MCPH1: variants seen among roughly 807,000 people sequenced by gnomAD.
The protein encoded by MCPH1 is microcephalin 1, also known as microcephalin.
MCPH1 carries 104 observed loss-of-function variants against 84.5 expected under a neutral mutation model. That is an observed-to-expected ratio of 1.23 (90% CI 1.05 to 1.45). The LOEUF is 1.45. Ranked by LOEUF, MCPH1 falls within the 40% of genes most tolerant of loss-of-function variation. The pLI, the probability that MCPH1 is intolerant of heterozygous loss-of-function variation, is 0.00. For synonymous variants in MCPH1, 514 were observed against 366.8 expected (o/e 1.40, Z -4.58); for missense variants, 1,498 against 1,005.7 (o/e 1.49, Z -6.62).
chr8:6,485,846 G>A (rs1045112707), intron 11 of MCPH1, among the ~76,000 whole-genome samples: 7 of 151,972 alleles, frequency 4.6e-5, no homozygotes, highest in Admixed American at 1.3e-4. Context: ...CAAGGTAAAC[G>A]CAATGGTAAC....
intron 12 of MCPH1, among the ~76,000 whole-genome samples, chr8:6,524,386 C>T (rs1168653715): frequency 1.3e-5 from 2 of 152,174 alleles, no homozygotes; most frequent in Non-Finnish European, 1.5e-5. Flanking sequence ...ATATGAAGAG[C>T]AGAGAAACAT....
At chr8:6,501,057 C>G (rs972809611) in intron 12 of MCPH1, 1 of 152,138 alleles carries the variant, frequency 6.6e-6, no homozygotes, top group Admixed American at 6.5e-5. Flanking sequence ...GGCCATGATA[C>G]CGTTGTTGAA....
rs984352080 is a variant in MCPH1, at chr8:6,455,237, T to C, written c.1920T>C (p.Ser640=). The change falls in exon 9 of 14, where the codon AGT becomes AGC. Residue 640 remains serine, a synonymous_variant. Coordinates refer to ENST00000344683, the MANE Select transcript of MCPH1 (RefSeq NM_024596.5). ...LIKPHEELKK[S]GRGKKPTRTL... ...AACCTCATGAGGAATTGAAGAAAAG[T>C]GGGAGAGGCAAAAAGGTCAGTGTGT... 6.2e-7 allele frequency: 1 copy of C among 1,612,678 alleles called. No homozygotes were observed. Among genetic ancestry groups the C allele is most frequent in the African/African-American group, 1.3e-5 (1 of 74,894 alleles).
intron 12 of MCPH1, among the ~76,000 whole-genome samples, chr8:6,533,412 C>T (rs1458899848): frequency 6.6e-6 from 1 of 152,136 alleles, no homozygotes; most frequent in Non-Finnish European, 1.5e-5. Context: ...GCTTTATAGT[C>T]TTGGTTCTAG....
chr8:6,422,861 T>C (rs986631069), intron 3 of MCPH1, among the ~76,000 whole-genome samples: 1 of 151,814 alleles, frequency 6.6e-6, no homozygotes, highest in Admixed American at 6.6e-5. Context: ...GCTAATTTTT[T>C]GTGGTTTTAG....
intron 8 of MCPH1, chr8:6,447,313 A>T: frequency 1.1e-5 from 11 of 985,294 alleles, no homozygotes; most frequent in Non-Finnish European, 1.3e-5. Flanking sequence ...TGCACACTCT[A>T]TATCTGGTGA....
At chr8:6,517,935 G>T (rs1412589697) in intron 12 of MCPH1, among the ~76,000 whole-genome samples, 1 of 152,174 alleles carries the variant, frequency 6.6e-6, no homozygotes, top group Non-Finnish European at 1.5e-5. Context: ...AAAGCTTATT[G>T]TTCCCTGCTG....
At chr8:6,530,387 T>G (rs567352232) in intron 12 of MCPH1, among the ~76,000 whole-genome samples, 1 of 151,658 alleles carries the variant, frequency 6.6e-6, no homozygotes, top group East Asian at 2.0e-4. Flanking sequence ...CCTGCACCTG[T>G]AATCCCAGCT....
intron 13 of MCPH1, among the ~76,000 whole-genome samples, chr8:6,624,236 C>A (rs1232251835): frequency 1.3e-5 from 2 of 152,268 alleles, no homozygotes; most frequent in Non-Finnish European, 2.9e-5. Context: ...GGCCACAGGC[C>A]CCAGCCTCTT....
chr8:6,499,586 C>A, intron 11 of MCPH1: 1 of 270,792 alleles, frequency 3.7e-6, no homozygotes, highest in Non-Finnish European at 7.1e-6. Flanking sequence ...TGTGTAAAAA[C>A]AGGATAATAT....
chr8:6,485,356 C>T (rs1203105222), intron 11 of MCPH1, among the ~76,000 whole-genome samples: 1 of 151,856 alleles, frequency 6.6e-6, no homozygotes, highest in Admixed American at 6.6e-5. Flanking sequence ...ACATATCTAA[C>T]GTGCTTTCCA....
At position 6,442,166 on chromosome 8, in the gene MCPH1, T is replaced by A; in HGVS notation, c.670+10T>A. On this transcript the variant is annotated intron_variant, in intron 7 of 13. Transcript: ENST00000344683. ...GATACTTTGTGTTCAGGTAAAATTT[T>A]TATTTTCCTTTCTGTGATATGTTTA... 6.5e-7 allele frequency: 1 copy of A among 1,545,416 alleles called. No homozygotes were observed. The highest frequency in any genetic ancestry group is 8.9e-7 in the Non-Finnish European group (1 of 1,117,976).
intron 12 of MCPH1, chr8:6,532,413 C>T (rs144017946): frequency 6.2e-6 from 10 of 1,613,900 alleles, no homozygotes; most frequent in Middle Eastern, 1.6e-4. Context: ...TCATCACAGC[C>T]GTCTGGTTCT....
chr8:6,615,252 C>A (rs143605575), intron 12 of MCPH1, among the ~76,000 whole-genome samples: 6 of 152,186 alleles, frequency 3.9e-5, no homozygotes, highest in Non-Finnish European at 7.3e-5. Context: ...ATGTCACATG[C>A]CACCATCAGG....
At chr8:6,593,108 A>G (rs1356825548) in intron 12 of MCPH1, among the ~76,000 whole-genome samples, 5 of 121,792 alleles carry the variant, frequency 4.1e-5, no homozygotes, top group Admixed American at 2.7e-4. Flanking sequence ...TTTTAGACAG[A>G]GTTTCGCTCT....
At chr8:6,612,363 C>G (rs952754124) in intron 12 of MCPH1, among the ~76,000 whole-genome samples, 8 of 152,206 alleles carry the variant, frequency 5.3e-5, no homozygotes, top group Non-Finnish European at 8.8e-5. Context: ...GGCGTGATAA[C>G]TCTTCTGCCC....
At chr8:6,639,671 A>G (rs916934276) in intron 13 of MCPH1, among the ~76,000 whole-genome samples, 2 of 152,258 alleles carry the variant, frequency 1.3e-5, no homozygotes, top group African/African-American at 4.8e-5. Context: ...TCTTTAAAAA[A>G]AAAAAAAAAC....
intron 4 of MCPH1, among the ~76,000 whole-genome samples, chr8:6,434,910 A>G (rs766079214): frequency 2.0e-5 from 3 of 152,180 alleles, no homozygotes; most frequent in Non-Finnish European, 4.4e-5. Flanking sequence ...GAAGTTCAGT[A>G]TGTGTATTTG....
intron 3 of MCPH1, among the ~76,000 whole-genome samples, chr8:6,419,365 C>G (rs1799823572): frequency 6.6e-6 from 1 of 151,160 alleles, no homozygotes; most frequent in Non-Finnish European, 1.5e-5. Context: ...GGACTGTAGG[C>G]ATGTGCCACC....
Sources: allele counts gnomAD v4.1 joint callset (sites outside exome capture counted in the v4.1 genomes callset), GRCh38; gene constraint gnomAD v4.1.1; transcripts MANE v1.5; gene names NCBI Gene and HGNC (gene_info 2026-07-23, HGNC 2026-07-21).